The following IGSF10 variants were observed in gnomAD, a reference collection of about 807,000 sequenced individuals.
IGSF10 encodes calvaria mechanical force protein 608.
In IGSF10, 126 loss-of-function variants were observed where a neutral mutation model predicts 128.2. The ratio of observed to expected loss-of-function variants is 0.98; its 90% CI spans 0.85 to 1.14. The LOEUF (loss-of-function observed/expected upper bound fraction) is 1.14, where lower values mean the gene tolerates loss of function less well. IGSF10 is among the 50% of genes most tolerant of loss of function. The pLI, the probability that IGSF10 is intolerant of heterozygous loss-of-function variation, is 0.00. For missense variants in IGSF10, 3,295 were observed against 3,149.8 expected (o/e 1.05, Z -1.10); for synonymous variants, 1,185 against 1,146.2 (o/e 1.03, Z -0.68).
At chr3:151,484,165 G>A in the IGSF10 span, among the ~76,000 whole-genome samples, 4 of 152,210 alleles carry the variant, frequency 2.6e-5, no homozygotes, top group Non-Finnish European at 5.9e-5. Flanking sequence ...TACCCTCACA[G>A]TATAAACAAA....
the IGSF10 span, among the ~76,000 whole-genome samples, chr3:151,500,984 T>C: frequency 6.6e-6 from 1 of 152,080 alleles, no homozygotes; most frequent in Non-Finnish European, 1.5e-5. Context: ...ATATTATGTA[T>C]CTATAATGTC....
the IGSF10 span, among the ~76,000 whole-genome samples, chr3:151,530,995 T>C: frequency 5.3e-5 from 8 of 152,036 alleles, no homozygotes; most frequent in African/African-American, 1.9e-4. Context: ...TGGAAGAATA[T>C]TTACCAAGCA....
chr3:151,565,268 A>G, the IGSF10 span, among the ~76,000 whole-genome samples: 4 of 152,178 alleles, frequency 2.6e-5, no homozygotes, highest in African/African-American at 7.2e-5. Context: ...TGGTAGAGAG[A>G]CCTTGAATCT....
At chr3:151,501,291 T>C in the IGSF10 span, among the ~76,000 whole-genome samples, 1 of 152,096 alleles carries the variant, frequency 6.6e-6, no homozygotes, top group Non-Finnish European at 1.5e-5. Context: ...TTCTAGCCCA[T>C]TCATTCAAGA....
intron 7 of IGSF10, among the ~76,000 whole-genome samples, chr3:151,439,588 TGG>T (rs1406500499): frequency 1.3e-5 from 2 of 152,242 alleles, no homozygotes; most frequent in Non-Finnish European, 2.9e-5. Context: ...CACTCTAGTC[TGG>T]GTGACAAAAA....
At chr3:151,495,169 T>A in the IGSF10 span, among the ~76,000 whole-genome samples, 2 of 152,164 alleles carry the variant, frequency 1.3e-5, no homozygotes, top group Non-Finnish European at 2.9e-5. Flanking sequence ...TTTTCTCTTT[T>A]GAGCAAAACT....
chr3:151,434,890 A>ATATC (rs1553825294), downstream of IGSF10: 1 of 152,182 alleles, frequency 6.6e-6, no homozygotes, highest in East Asian at 1.9e-4. Flanking sequence ...GCTGTGGGGC[A>ATATC]TATCTTTTTT....
At chr3:151,561,963 A>T in the IGSF10 span, among the ~76,000 whole-genome samples, 3 of 152,116 alleles carry the variant, frequency 2.0e-5, no homozygotes, top group Non-Finnish European at 4.4e-5. Context: ...TACTTTCAAG[A>T]CTTATCTTTT....
At chr3:151,433,870 A>G (rs917290681), downstream of IGSF10, 1 of 152,680 alleles carries the variant, frequency 6.5e-6, no homozygotes, top group Non-Finnish European at 1.5e-5. Context: ...CATATACTGT[A>G]TTTATAAATT....
the IGSF10 span, among the ~76,000 whole-genome samples, chr3:151,496,495 C>T: frequency 7.8e-5 from 11 of 140,472 alleles, no homozygotes; most frequent in Admixed American, 2.2e-4. Context: ...TGGTTTCCAG[C>T]TTCATCCATG....
At chr3:151,504,066 A>T in the IGSF10 span, among the ~76,000 whole-genome samples, 1 of 152,184 alleles carries the variant, frequency 6.6e-6, no homozygotes, top group Non-Finnish European at 1.5e-5. Flanking sequence ...CCAAAACCAT[A>T]ATTTCTAATC....
At chr3:151,526,454 A>T in the IGSF10 span, among the ~76,000 whole-genome samples, 1 of 152,008 alleles carries the variant, frequency 6.6e-6, no homozygotes, top group Non-Finnish European at 1.5e-5. Context: ...TTAATGTTGC[A>T]TCATTTTATT....
At chr3:151,508,341 T>G in the IGSF10 span, among the ~76,000 whole-genome samples, 1 of 152,156 alleles carries the variant, frequency 6.6e-6, no homozygotes, top group Non-Finnish European at 1.5e-5. Context: ...GTATTGATAA[T>G]ACACTAATAT....
Position 151,447,954 on chromosome 3 carries a change from G to A in IGSF10, c.2027C>T (p.Thr676Ile). The A allele has an allele frequency of 6.2e-7, 1 of 1,614,072 alleles. No homozygotes were observed. The highest frequency in any genetic ancestry group is 2.2e-5 in the East Asian group (1 of 44,876). Residue 676 changes from threonine (T) to isoleucine (I), a missense_variant, in exon 6 of 8, where the codon ACA becomes ATA. Coordinates refer to ENST00000282466, the MANE Select transcript of IGSF10 (RefSeq NM_178822.5). ...GGACTCATCAAGTCCAGATCCCTCT[G>A]TTTCTCCATCATGCTCCAAGGGCCT... ...GQRPLEHDGE[T>I]EGSGLDESNP...
At chr3:151,570,025 G>A in the IGSF10 span, among the ~76,000 whole-genome samples, 79 of 152,168 alleles carry the variant, frequency 5.2e-4, no homozygotes, top group African/African-American at 1.9e-3. Flanking sequence ...GAGAATGATG[G>A]TTTCTAGCTT....
At position 151,458,574 on chromosome 3, in the gene IGSF10, G is replaced by A. The variant is rs750443709; in HGVS notation, c.136C>T (p.Arg46Trp). The change falls in exon 3 of 8, where the codon CGG becomes TGG. Residue 46 changes from arginine (R) to tryptophan (W), a missense_variant. By Grantham distance (101) the Arg-to-Trp change is moderately radical. Transcript: ENST00000282466. ...CTGTCTGGGATGGAAGTCAGGTACCGAAATGTGCAGTGTACCTCCGTAGGC... is the reference window on the plus strand; with the variant it reads ...CTGTCTGGGATGGAAGTCAGGTACCAAAATGTGCAGTGTACCTCCGTAGGC... ...YMPTEVHCTF[R>W]YLTSIPDSIP... is the part of the protein sequence containing the mutation. The A allele has an allele frequency of 8.7e-6, 14 of 1,614,104 alleles. No individual in the cohort carries two copies. Among genetic ancestry groups the A allele is most frequent in the East Asian group, 4.5e-5 (2 of 44,882 alleles).
chr3:151,591,395 T>TATATAA, the IGSF10 span, among the ~76,000 whole-genome samples: 1 of 146,874 alleles, frequency 6.8e-6, no homozygotes, highest in Non-Finnish European at 1.5e-5. Flanking sequence ...ATATAAAAAA[T>TATATAA]ATATAAATAT....
chr3:151,498,651 TAA>T, the IGSF10 span, among the ~76,000 whole-genome samples: 1 of 152,092 alleles, frequency 6.6e-6, no homozygotes, highest in African/African-American at 2.4e-5. Context: ...ACATGTTAGA[TAA>T]AGTTATACAA....
rs1213108200 is a variant in IGSF10 at position 151,445,078 on chromosome 3, G to C, written c.4903C>G (p.Leu1635Val). ...TACCTAGACAAAGAGTCAAAGGGAA[G>C]GAGTTTGGAAGTTGTTGCTTCTTGA... ...PVQEATTSKLLPFDSLSRYIF... is the reference protein window; with the variant it reads ...PVQEATTSKLVPFDSLSRYIF... The change falls in exon 6 of 8, where the codon CTT becomes GTT. Residue 1635 changes from leucine to valine, a missense_variant. Leu to Val is a conservative substitution (Grantham distance 32, BLOSUM62 1). Transcript: ENST00000282466. 1 of 1,614,218 alleles carries C rather than the reference G, an allele frequency of 6.2e-7. No individual in the cohort carries two copies. The highest frequency in any genetic ancestry group is 8.5e-7 in the Non-Finnish European group (1 of 1,180,044).
Sources: gnomAD v4.1 joint callset for allele counts (sites outside exome capture counted in the v4.1 genomes callset) on GRCh38, gnomAD v4.1.1 for gene constraint, MANE v1.5 for transcripts, NCBI Gene and HGNC (gene_info 2026-07-23, HGNC 2026-07-21) for gene names.